CCDC138: variants seen among roughly 807,000 people sequenced by gnomAD.
CCDC138 encodes the protein coiled-coil domain-containing protein 138.
In CCDC138, 66 loss-of-function variants were observed where a neutral mutation model predicts 82.3. The observed-to-expected ratio is 0.80, with a 90% CI of 0.66 to 0.98. The LOEUF is 0.98. Ranked by LOEUF, CCDC138 falls within the 50% of genes least tolerant of loss-of-function variation. The pLI, the probability that CCDC138 is intolerant of heterozygous loss-of-function variation, is 0.00. For synonymous variants in CCDC138, 297 were observed against 265.4 expected (o/e 1.12, Z -1.16); for missense variants, 816 against 758.9 (o/e 1.08, Z -0.88).
chr2:108,810,841 T>A (rs192781816), intron 7 of CCDC138, among the ~76,000 whole-genome samples: 1 of 152,244 alleles, frequency 6.6e-6, no homozygotes, highest in Non-Finnish European at 1.5e-5. Context: ...GGAAACTTTT[T>A]ACTACAATTC....
chr2:108,877,446 A>G (rs1440530438), downstream of CCDC138, among the ~76,000 whole-genome samples: 5 of 152,212 alleles, frequency 3.3e-5, no homozygotes, highest in Non-Finnish European at 7.3e-5. Flanking sequence ...AGCCTGGGCA[A>G]CAAAGTGAGA....
intron 7 of CCDC138, among the ~76,000 whole-genome samples, chr2:108,805,367 G>C (rs1682678473): frequency 6.6e-6 from 1 of 152,058 alleles, no homozygotes; most frequent in African/African-American, 2.4e-5. Context: ...GCTAGACTCA[G>C]ACCTTCACAT....
At chr2:108,865,053 G>A (rs1357904326) in intron 13 of CCDC138, among the ~76,000 whole-genome samples, 1 of 152,046 alleles carries the variant, frequency 6.6e-6, no homozygotes, top group Non-Finnish European at 1.5e-5. Flanking sequence ...TCCCTCCCTG[G>A]AGGGAACAAC....
At chr2:108,817,874 A>G (rs1184406825) in intron 10 of CCDC138, among the ~76,000 whole-genome samples, 2 of 152,228 alleles carry the variant, frequency 1.3e-5, no homozygotes, top group Non-Finnish European at 2.9e-5. Flanking sequence ...GCAATAGGAC[A>G]CAAATACACC....
At chr2:108,804,818 C>T in intron 6 of CCDC138, 71 bp from the exon 7 acceptor site, 1 of 1,316,034 alleles carries the variant, frequency 7.6e-7, no homozygotes, top group Middle Eastern at 2.0e-4. Context: ...GTAATTAATT[C>T]ACGTTCCATA....
chr2:108,853,091 AG>A (rs1040944032), intron 12 of CCDC138, among the ~76,000 whole-genome samples: 5 of 152,220 alleles, frequency 3.3e-5, no homozygotes, highest in Non-Finnish European at 7.3e-5. Flanking sequence ...AAATGTTCCA[AG>A]GTGTTAATAT....
chr2:108,816,052 C>A lies in CCDC138; in HGVS notation c.1153C>A (p.Pro385Thr), dbSNP rs148929533. The A allele has an allele frequency of 1.3e-5, 21 of 1,613,348 alleles. No homozygotes were observed. The highest frequency in any genetic ancestry group is 9.4e-5 in the African/African-American group (7 of 74,850). Residue 385 changes from proline (P) to threonine (T), a missense_variant, in exon 10 of 15, where the codon CCA becomes ACA. Transcript: ENST00000295124. ...HEESGMDGKK[P>T]QLKFASQRND... Reference sequence around the variant, plus strand: ...AGAATCTGGAATGGATGGTAAAAAACCACAACTCAAATTTGCTTCCCAGAG... The same window carrying A: ...AGAATCTGGAATGGATGGTAAAAAAACACAACTCAAATTTGCTTCCCAGAG...
At chr2:108,787,554 C>A (rs184635280) in intron 1 of CCDC138, among the ~76,000 whole-genome samples, 6 of 152,246 alleles carry the variant, frequency 3.9e-5, no homozygotes, top group African/African-American at 1.4e-4. Context: ...ATCTAGAGTT[C>A]ATAAGAAATT....
At chr2:108,821,474 G>A (rs182360376) in intron 10 of CCDC138, among the ~76,000 whole-genome samples, 1 of 152,194 alleles carries the variant, frequency 6.6e-6, no homozygotes, top group East Asian at 1.9e-4. Context: ...ACTTTAAGAT[G>A]TTTTATGTAA....
chr2:108,872,281 T>C (rs1450673504), intron 13 of CCDC138, among the ~76,000 whole-genome samples: 1 of 152,138 alleles, frequency 6.6e-6, no homozygotes, highest in African/African-American at 2.4e-5. Context: ...TTTATGTCCT[T>C]CTCATACGCA....
At chr2:108,833,800 T>C (rs1354817887) in intron 10 of CCDC138, among the ~76,000 whole-genome samples, 1 of 147,966 alleles carries the variant, frequency 6.8e-6, no homozygotes, top group Non-Finnish European at 1.5e-5. Flanking sequence ...TGATCTCGGC[T>C]CACTGCAAGC....
intron 10 of CCDC138, among the ~76,000 whole-genome samples, chr2:108,822,198 T>G (rs1264733383): frequency 6.6e-6 from 1 of 152,004 alleles, no homozygotes; most frequent in Non-Finnish European, 1.5e-5. Context: ...CGTCAAAAAC[T>G]GTTACAAGAG....
chr2:108,793,037 C>A (rs1243573437), intron 4 of CCDC138, among the ~76,000 whole-genome samples: 1 of 150,654 alleles, frequency 6.6e-6, no homozygotes, highest in Non-Finnish European at 1.5e-5. Flanking sequence ...GCACTCCAGT[C>A]TGGGCGACAG....
intron 13 of CCDC138, among the ~76,000 whole-genome samples, chr2:108,860,876 G>A (rs1197213933): frequency 3.6e-5 from 5 of 138,720 alleles, no homozygotes; most frequent in African/African-American, 1.3e-4. Flanking sequence ...AATAGAATTG[G>A]TATCAGCTCT....
At chr2:108,854,859 A>T (rs1340035898) in intron 12 of CCDC138, among the ~76,000 whole-genome samples, 2 of 152,204 alleles carry the variant, frequency 1.3e-5, no homozygotes, top group African/African-American at 4.8e-5. Flanking sequence ...CCAGATTCAA[A>T]GGGTGGGCAG....
rs550870176 is a variant in CCDC138 at position 108,795,631 on chromosome 2, T to A, written c.576+910T>A. On this transcript the variant is annotated intron_variant, in intron 5 of 14. Coordinates refer to ENST00000295124, the MANE Select transcript of CCDC138 (RefSeq NM_144978.3). ...AAAGTAATTCAGATTGTAATTACCA[T>A]AGCATTTTAGAAAAAGATTATTTTA... is the stretch of plus-strand genomic sequence containing the variant. 4.6e-5 allele frequency among the ~76,000 whole-genome samples: 7 copies of A among 152,352 alleles called. No homozygotes were observed. The East Asian group carries it at 1.2e-3, about 25-fold the overall frequency.
intron 10 of CCDC138, among the ~76,000 whole-genome samples, chr2:108,832,488 C>T (rs1462028970): frequency 6.6e-6 from 1 of 151,674 alleles, no homozygotes; most frequent in Non-Finnish European, 1.5e-5. Flanking sequence ...GCTGGGATTA[C>T]AGGCATGCGC....
chr2:108,864,569 G>A lies in CCDC138; in HGVS notation c.1693+7599G>A, dbSNP rs372276597. On this transcript the variant is annotated intron_variant, in intron 13 of 14. Coordinates refer to ENST00000295124, the MANE Select transcript of CCDC138 (RefSeq NM_144978.3). The stretch of plus-strand genomic sequence containing the variant: ...TCCCAGCACTTTGGGAGGCCAAGGC[G>A]GGCAGATCACGAGGTTAGGAGATCG... 1.5e-4 allele frequency among the ~76,000 whole-genome samples: 23 copies of A among 152,098 alleles called. No homozygotes were observed. In the East Asian group the frequency reaches 2.3e-3, roughly 15 times the overall value.
intron 7 of CCDC138, among the ~76,000 whole-genome samples, chr2:108,812,354 T>C (rs967149452): frequency 6.6e-6 from 1 of 152,174 alleles, no homozygotes; most frequent in Admixed American, 6.5e-5. Flanking sequence ...AGTGTACTTA[T>C]TAATAAAAAC....
Sources: allele counts gnomAD v4.1 joint callset (sites outside exome capture counted in the v4.1 genomes callset), GRCh38; gene constraint gnomAD v4.1.1; transcripts MANE v1.5; gene names NCBI Gene and HGNC (gene_info 2026-07-23, HGNC 2026-07-21).